The following ADGRV1 variants were observed in gnomAD, a reference collection of about 807,000 sequenced individuals.
ADGRV1 encodes adhesion G protein-coupled receptor V1.
In ADGRV1, 359 loss-of-function variants were observed where a neutral mutation model predicts 596.2. The ratio of observed to expected loss-of-function variants is 0.60; its 90% CI spans 0.55 to 0.66. The LOEUF (loss-of-function observed/expected upper bound fraction) is 0.66. Among genes scored for constraint, ADGRV1 ranks in the 30% least tolerant of loss-of-function variants. The pLI is 0.00. For synonymous variants in ADGRV1, 2,681 were observed against 2,679.2 expected, an observed-to-expected ratio of 1.00 and a Z score of -0.02; for missense variants, 7,274 against 7,575.6, an observed-to-expected ratio of 0.96 and a Z score of 1.48.
In ADGRV1 at chr5:90,683,759, A is replaced by C; in HGVS notation, c.5838A>C (p.Ala1946=). 6.2e-7 allele frequency: 1 copy of C among 1,613,890 alleles called. No individual in the cohort carries two copies. The highest frequency in any genetic ancestry group is 8.5e-7 in the Non-Finnish European group (1 of 1,179,868). The change falls in exon 28 of 90, where the codon GCA becomes GCC. Residue 1946 remains alanine, a synonymous_variant. Transcript: ENST00000405460. The part of the protein sequence containing the change: ...LPDEDPELDK[A]FSVSVLSVSS... Reference sequence around the variant, plus strand: ...ACGAAGACCCAGAACTGGATAAGGCATTCTCTGTGTCAGTCCTCAGTGTTT... The same window carrying C: ...ACGAAGACCCAGAACTGGATAAGGCCTTCTCTGTGTCAGTCCTCAGTGTTT...
intron 45 of ADGRV1, among the ~76,000 whole-genome samples, chr5:90,721,980 T>C (rs1580870944): frequency 6.6e-6 from 1 of 152,188 alleles, no homozygotes; most frequent in African/African-American, 2.4e-5. Flanking sequence ...GACCATATCA[T>C]TCAAGAACTT....
intron 86 of ADGRV1, among the ~76,000 whole-genome samples, chr5:91,081,241 C>T (rs1789347055): frequency 6.6e-6 from 1 of 152,154 alleles, no homozygotes. Context: ...CTGAAGGCCT[C>T]ATCTCCAAAT....
At chr5:90,921,417 G>T (rs187829560) in intron 83 of ADGRV1, among the ~76,000 whole-genome samples, 1 of 151,918 alleles carries the variant, frequency 6.6e-6, no homozygotes, top group African/African-American at 2.4e-5. Context: ...ATTCCCTGCC[G>T]CATCTGGCTT....
chr5:90,841,237 G>A (rs1166491318), intron 78 of ADGRV1, among the ~76,000 whole-genome samples: 1 of 152,030 alleles, frequency 6.6e-6, no homozygotes, highest in Non-Finnish European at 1.5e-5. Context: ...ACAGCCTAGT[G>A]CATGAAAAAA....
At chr5:90,579,623 C>G (rs1412141156) in intron 1 of ADGRV1, among the ~76,000 whole-genome samples, 1 of 152,040 alleles carries the variant, frequency 6.6e-6, no homozygotes, top group Non-Finnish European at 1.5e-5. Context: ...CTATTAGGTC[C>G]ACTTGGTGCA....
chr5:90,691,417 G>A (rs114345526), intron 31 of ADGRV1, among the ~76,000 whole-genome samples: 3,003 of 130,634 alleles, frequency 0.023, 98 homozygotes, highest in African/African-American at 0.081. Flanking sequence ...GGAGTTTTAC[G>A]CTTGTCGCCC....
chr5:90,874,686 C>G (rs907055400), intron 83 of ADGRV1, among the ~76,000 whole-genome samples: 3 of 151,900 alleles, frequency 2.0e-5, no homozygotes, highest in African/African-American at 7.3e-5. Flanking sequence ...ATGGTGAAAC[C>G]CCGTCTCTAC....
At chr5:91,060,958 GC>G (rs1787379445) in intron 85 of ADGRV1, among the ~76,000 whole-genome samples, 1 of 151,966 alleles carries the variant, frequency 6.6e-6, no homozygotes, top group Non-Finnish European at 1.5e-5. Context: ...GGATTTTTTT[GC>G]CAGTCAGACA....
At chr5:90,959,946 T>C (rs1004775553) in intron 83 of ADGRV1, among the ~76,000 whole-genome samples, 15 of 152,178 alleles carry the variant, frequency 9.9e-5, no homozygotes, top group Admixed American at 2.6e-4. Context: ...AAGACCATCC[T>C]GGCTAACACG....
chr5:90,596,851 G>A (rs1169409363), intron 1 of ADGRV1, among the ~76,000 whole-genome samples: 1 of 152,144 alleles, frequency 6.6e-6, no homozygotes, highest in East Asian at 1.9e-4. Flanking sequence ...GGGAGAGCGA[G>A]AGGGAGAGGG....
At position 90,594,323 on chromosome 5, in the gene ADGRV1, T is replaced by G. The variant is rs557522545; in HGVS notation, c.23-20512T>G. Among the ~76,000 whole-genome samples the G allele has an allele frequency of 5.9e-5, 9 of 152,120 alleles. No individual in the cohort carries two copies. In the South Asian group the frequency reaches 6.2e-4, roughly 11 times the overall value. The stretch of plus-strand genomic sequence containing the variant: ...TGAGTTCTTGTGAGTTGTGATAGTT[T>G]TATAAGGGGTTCTTCCCCCTTCGCT... On this transcript the variant is annotated intron_variant, in intron 1 of 89. Coordinates refer to ENST00000405460, the MANE Select transcript of ADGRV1 (RefSeq NM_032119.4).
intron 87 of ADGRV1, among the ~76,000 whole-genome samples, chr5:91,103,014 T>C (rs1791529859): frequency 6.6e-6 from 1 of 152,226 alleles, no homozygotes; most frequent in Admixed American, 6.5e-5. Context: ...ACTAAAAGAA[T>C]TTCTTAAATT....
chr5:90,651,745 A>G lies in ADGRV1; in HGVS notation c.3416+15A>G. On this transcript the variant is annotated intron_variant, in intron 18 of 89. Transcript: ENST00000405460. ...AATGCATTTTGGTAAGCATATGTAG[A>G]TAAGGCAAGTTTAAAATTGGGTGAA... is the stretch of plus-strand genomic sequence containing the variant. 3 of 1,535,140 alleles carry G rather than the reference A, an allele frequency of 2.0e-6. No individual in the cohort carries two copies. In the South Asian group the frequency reaches 3.5e-5, roughly 18 times the overall value.
Position 90,759,518 on chromosome 5 carries a change from ATGTTGTGGTAAC to A in ADGRV1, c.12057_12068del (p.Val4020_Val4023del). The A allele has an allele frequency of 6.2e-7, 1 of 1,613,288 alleles. No homozygotes were observed. Among genetic ancestry groups the A allele is most frequent in the East Asian group, 2.2e-5 (1 of 44,846 alleles). ...GCTGGAGGTGGCAGACTTGGTGATG[ATGTTGTGGTAAC>A]TGTTGTTATTCCACAAAATGATTCT... On this transcript the variant is annotated inframe_deletion, in exon 58 of 90. Coordinates refer to ENST00000405460, the MANE Select transcript of ADGRV1 (RefSeq NM_032119.4).
chr5:90,766,067 A>G (rs375240754), intron 59 of ADGRV1, among the ~76,000 whole-genome samples: 28 of 151,310 alleles, frequency 1.9e-4, no homozygotes, highest in South Asian at 1.5e-3. Flanking sequence ...CCGCCACCAC[A>G]CCTGGCTAAT....
At position 90,781,497 on chromosome 5, in the gene ADGRV1, T is replaced by C. The variant is rs1452609463; in HGVS notation, c.13150T>C (p.Ser4384Pro). The C allele has an allele frequency of 6.2e-7, 1 of 1,610,748 alleles. No homozygotes were observed. Among genetic ancestry groups the C allele is most frequent in the Non-Finnish European group, 8.5e-7 (1 of 1,178,146 alleles). Residue 4384 changes from serine to proline, a missense_variant, in exon 65 of 90, where the codon TCC (serine) becomes CCC (proline). By Grantham distance (74) the Ser-to-Pro change is moderately conservative. This residue lies in a region of ADGRV1 where 3,643 missense variants were observed against 3,809.2 expected (regional missense o/e 0.96). Coordinates refer to ENST00000405460, the MANE Select transcript of ADGRV1 (RefSeq NM_032119.4). ...TCAACCTCCTGAAATAGGAAACATC[T>C]CCATTGTTCGCATCATAATAATGAA... ...IDQPPEIGNI[S>P]IVRIIIMKND...
At position 90,778,535 on chromosome 5, in the gene ADGRV1, G is replaced by T. The variant is rs766926543; in HGVS notation, c.12775G>T (p.Val4259Leu). ...ATCCAGCAGCACTGCCAACATCACG[G>T]TGGTGGCCAGCGACTCTCCCTATGG... is the stretch of plus-strand genomic sequence containing the variant. ...SESSSTANIT[V>L]VASDSPYGRF... is the part of the protein sequence containing the mutation. The change falls in exon 63 of 90, where the codon GTG (valine) becomes TTG (leucine). Residue 4259 changes from valine to leucine, a missense_variant. Physicochemically the swap from Val to Leu is conservative, Grantham distance 32 (BLOSUM62 1). Around this residue, in one of 5 missense-constraint regions of ADGRV1, gnomAD observed 3,643 missense variants for 3,809.2 expected, o/e 0.96. Coordinates refer to ENST00000405460, the MANE Select transcript of ADGRV1 (RefSeq NM_032119.4). 1.9e-6 allele frequency: 3 copies of T among 1,612,954 alleles called. No homozygotes were observed. The highest frequency in any genetic ancestry group is 3.3e-5 in the Admixed American group (2 of 59,886).
chr5:91,095,140 G>A (rs1790742697), intron 86 of ADGRV1, among the ~76,000 whole-genome samples: 2 of 152,072 alleles, frequency 1.3e-5, no homozygotes, highest in South Asian at 2.1e-4. Flanking sequence ...TAATGACTAA[G>A]GGTTAGGAAT....
intron 21 of ADGRV1, among the ~76,000 whole-genome samples, chr5:90,670,202 G>C (rs901543133): frequency 6.6e-6 from 1 of 152,126 alleles, no homozygotes; most frequent in Non-Finnish European, 1.5e-5. Context: ...CCCAAAACCT[G>C]TGACTGATAC....
Sources: allele counts gnomAD v4.1 joint callset (sites outside exome capture counted in the v4.1 genomes callset), GRCh38; gene constraint gnomAD v4.1.1; regional missense constraint gnomAD v4.1.1; transcripts MANE v1.5; gene names NCBI Gene and HGNC (gene_info 2026-07-23, HGNC 2026-07-21).